The following DLG2 variants were observed in gnomAD, a reference collection of about 807,000 sequenced individuals.
DLG2 encodes the protein discs large MAGUK scaffold protein 2.
A neutral mutation model predicts 132.5 loss-of-function variants in DLG2; 45 were observed. The observed-to-expected ratio is 0.34, with a 90% CI of 0.27 to 0.44. The LOEUF (loss-of-function observed/expected upper bound fraction) is 0.44. Among genes scored for constraint, DLG2 ranks in the 20% least tolerant of loss-of-function variants. DLG2 has a pLI of 1.00. For synonymous variants in DLG2, 424 were observed against 419.6 expected (o/e 1.01, Z -0.13); for missense variants, 1,045 against 1,196.9 (o/e 0.87, Z 1.87).
intron 3 of DLG2, among the ~76,000 whole-genome samples, chr11:85,353,920 T>A (rs1049735452): frequency 1.3e-5 from 2 of 151,718 alleles, no homozygotes; most frequent in South Asian, 4.2e-4. Flanking sequence ...CACACCAACA[T>A]GGCGCATGTA....
chr11:83,874,264 G>GGAAGGAAGGAAGGAAAA (rs2064156376), intron 16 of DLG2, among the ~76,000 whole-genome samples, 156 bp downstream of exon 16: 2 of 142,956 alleles, frequency 1.4e-5, no homozygotes, highest in Admixed American at 7.1e-5. Context: ...AGGAAGGAAA[G>GGAAGGAAGGAAGGAAAA]AAGGAAGGAA....
chr11:85,289,951 T>G (rs537664331), intron 3 of DLG2, among the ~76,000 whole-genome samples: 1 of 152,306 alleles, frequency 6.6e-6, no homozygotes, highest in East Asian at 1.9e-4. Flanking sequence ...GTTTTCAACA[T>G]TTCAATTCAC....
In DLG2 at chr11:84,267,614, C is replaced by T. The variant is rs77575340; in HGVS notation, c.520-16323G>A. Among the ~76,000 whole-genome samples, 1,355 of 152,270 alleles carry T rather than the reference C, an allele frequency of 8.9e-3. 16 individuals carry two copies. The highest frequency in any genetic ancestry group is 0.029 in the African/African-American group (1,187 of 41,546). ...GGACAAGAAGCACAGCAGGGCAGGC[C>T]GTCTGATAAACTGGAACTAAGAACT... On this transcript the variant is annotated intron_variant, in intron 7 of 27. Transcript: ENST00000376104.
intron 7 of DLG2, among the ~76,000 whole-genome samples, chr11:84,468,612 A>G (rs756786479): frequency 1.3e-5 from 2 of 151,460 alleles, no homozygotes; most frequent in Non-Finnish European, 3.0e-5. Flanking sequence ...AACACTTTCA[A>G]TTTTGTCCAT....
At chr11:85,164,426 A>G (rs563423350) in intron 4 of DLG2, among the ~76,000 whole-genome samples, 1 of 152,282 alleles carries the variant, frequency 6.6e-6, no homozygotes. Context: ...ATACATACAT[A>G]CAAAGCACTC....
At chr11:83,847,372 C>T (rs72958255) in intron 16 of DLG2, among the ~76,000 whole-genome samples, 4,473 of 152,198 alleles carry the variant, frequency 0.029, 117 homozygotes, top group Middle Eastern at 0.051. Flanking sequence ...TTTAAAATGT[C>T]TTTCGAGTTG....
At chr11:85,243,213 G>C (rs1340643211) in intron 4 of DLG2, among the ~76,000 whole-genome samples, 1 of 151,862 alleles carries the variant, frequency 6.6e-6, no homozygotes, top group African/African-American at 2.4e-5. Context: ...ACCCAGAGTT[G>C]ACTTTGAGAG....
In DLG2 at chr11:84,112,321, CCTT is replaced by C. The variant is rs1354590963; in HGVS notation, c.625-13277_625-13275del. ...CCTTTTTTTTTTTCTTTTTACTTTTCCTTTTTTTTTTTTTTTTTTTTTTTTTAC... is the reference window on the plus strand; with the variant it reads ...CCTTTTTTTTTTTCTTTTTACTTTTCTTTTTTTTTTTTTTTTTTTTTTTAC... On this transcript the variant is annotated intron_variant, in intron 9 of 27. Coordinates refer to ENST00000376104, the MANE Select transcript of DLG2 (RefSeq NM_001142699.3). Among the ~76,000 whole-genome samples, 71 of 91,904 alleles carry C rather than the reference CCTT, an allele frequency of 7.7e-4. No homozygotes were observed. In the East Asian group the frequency reaches 0.02, roughly 26 times the overall value. The allele number at this position is 91,904 out of a possible 152,430, so 60.3% of individuals were successfully genotyped here.
At chr11:85,021,070 C>CT in intron 6 of DLG2, 1 of 774,224 alleles carries the variant, frequency 1.3e-6, no homozygotes, top group South Asian at 1.3e-5. Context: ...AGAGAATCCA[C>CT]TTTTTGTTTT....
At chr11:85,116,438 TACAC>T (rs1214101111) in intron 5 of DLG2, among the ~76,000 whole-genome samples, 1 of 151,954 alleles carries the variant, frequency 6.6e-6, no homozygotes, top group Non-Finnish European at 1.5e-5. Flanking sequence ...TGTATCTACA[TACAC>T]ATCATGTGTT....
chr11:85,393,041 C>T (rs1452540822), intron 3 of DLG2, among the ~76,000 whole-genome samples: 1 of 152,088 alleles, frequency 6.6e-6, no homozygotes, highest in Non-Finnish European at 1.5e-5. Context: ...TAACAGACAA[C>T]CCATAGAATA....
intron 7 of DLG2, among the ~76,000 whole-genome samples, chr11:84,281,603 C>G (rs1419924342): frequency 1.4e-5 from 2 of 144,670 alleles, no homozygotes; most frequent in African/African-American, 5.1e-5. Flanking sequence ...CCCCCCAGCC[C>G]ACAACAGTCC....
chr11:85,600,641 C>T (rs1282333077), intron 2 of DLG2, among the ~76,000 whole-genome samples: 1 of 152,118 alleles, frequency 6.6e-6, no homozygotes, highest in Non-Finnish European at 1.5e-5. Flanking sequence ...AGGGTTATAA[C>T]TGATGAATGA....
At chr11:85,232,512 T>C (rs968922431) in intron 4 of DLG2, among the ~76,000 whole-genome samples, 3 of 151,886 alleles carry the variant, frequency 2.0e-5, no homozygotes, top group Non-Finnish European at 4.4e-5. Flanking sequence ...ACAAAAACAA[T>C]GTTACCTCTT....
intron 20 of DLG2, among the ~76,000 whole-genome samples, chr11:83,540,371 G>C (rs2096028290): frequency 6.6e-6 from 1 of 152,174 alleles, no homozygotes; most frequent in Non-Finnish European, 1.5e-5. Flanking sequence ...AGCAATGTTA[G>C]GCAATTATCC....
chr11:84,428,226 G>C (rs2098973236), intron 7 of DLG2, among the ~76,000 whole-genome samples: 1 of 152,122 alleles, frequency 6.6e-6, no homozygotes, highest in African/African-American at 2.4e-5. Flanking sequence ...AAAAGATTGA[G>C]TGGTGTTAAC....
At chr11:83,758,844 A>T (rs1010064302) in intron 18 of DLG2, among the ~76,000 whole-genome samples, 2 of 152,156 alleles carry the variant, frequency 1.3e-5, no homozygotes, top group Non-Finnish European at 2.9e-5. Context: ...TGTATCATTT[A>T]TGTAATTTCT....
At chr11:84,913,906 C>CA (rs1357157250) in intron 6 of DLG2, among the ~76,000 whole-genome samples, 1 of 152,166 alleles carries the variant, frequency 6.6e-6, no homozygotes, top group Admixed American at 6.5e-5. Context: ...AACACAAATG[C>CA]AAAGGGCTCT....
chr11:84,744,898 T>TAAAAAAAA (rs758776805), intron 6 of DLG2, among the ~76,000 whole-genome samples: 7 of 71,792 alleles, frequency 9.8e-5, no homozygotes, highest in Admixed American at 1.6e-4. Flanking sequence ...AGTAAAGGTC[T>TAAAAAAAA]AAAAAAAAAA....
Sources: allele counts gnomAD v4.1 joint callset (sites outside exome capture counted in the v4.1 genomes callset), GRCh38; gene constraint gnomAD v4.1.1; transcripts MANE v1.5; gene names NCBI Gene and HGNC (gene_info 2026-07-23, HGNC 2026-07-21).